OMA1: variants seen among roughly 807,000 people sequenced by gnomAD.
OMA1 encodes OMA1 zinc metallopeptidase, also known as metalloendopeptidase OMA1, mitochondrial.
Under a neutral mutation model 30.9 loss-of-function variants are expected in OMA1, and 38 were observed. The ratio of observed to expected loss-of-function variants is 1.23; its 90% CI spans 0.95 to 1.61. OMA1 has a LOEUF of 1.61. OMA1 is among the 40% of genes most tolerant of loss of function. The pLI is 0.00. For missense variants in OMA1, 461 were observed against 349.2 expected, an observed-to-expected ratio of 1.32 and a Z score of -2.55; for synonymous variants, 173 against 121.9, an observed-to-expected ratio of 1.42 and a Z score of -2.76.
At chr1:58,507,298 C>G (rs888070985) in intron 7 of OMA1, among the ~76,000 whole-genome samples, 2 of 151,732 alleles carry the variant, frequency 1.3e-5, no homozygotes, top group East Asian at 1.9e-4. Flanking sequence ...ATATACTATA[C>G]TGACTAAAAT....
chr1:58,494,541 G>C (rs1387913796), intron 8 of OMA1, among the ~76,000 whole-genome samples: 1 of 152,096 alleles, frequency 6.6e-6, no homozygotes, highest in Admixed American at 6.6e-5. Context: ...CTAATATCCA[G>C]AATCTACAAT....
chr1:58,486,088 T>C (rs546846528), intron 8 of OMA1, among the ~76,000 whole-genome samples: 1 of 152,334 alleles, frequency 6.6e-6, no homozygotes, highest in South Asian at 2.1e-4. Context: ...TGAGGTATTT[T>C]ACACATCTAA....
chr1:58,501,163 T>A (rs1405961490), intron 8 of OMA1, among the ~76,000 whole-genome samples: 1 of 152,224 alleles, frequency 6.6e-6, no homozygotes, highest in African/African-American at 2.4e-5. Flanking sequence ...CCTGTATTTA[T>A]CCTTTTTAAA....
intron 7 of OMA1, among the ~76,000 whole-genome samples, chr1:58,523,309 C>T (rs1158153544): frequency 6.6e-6 from 1 of 152,208 alleles, no homozygotes; most frequent in Non-Finnish European, 1.5e-5. Flanking sequence ...TTTGCTTCAT[C>T]AACAATTTAT....
At chr1:58,493,201 T>C (rs1389329057) in intron 8 of OMA1, among the ~76,000 whole-genome samples, 2 of 151,878 alleles carry the variant, frequency 1.3e-5, no homozygotes, top group African/African-American at 4.8e-5. Context: ...AAAAGGCCTT[T>C]GACAAAATTC....
intron 7 of OMA1, among the ~76,000 whole-genome samples, chr1:58,519,059 T>A (rs1157354888): frequency 1.3e-5 from 2 of 152,172 alleles, no homozygotes; most frequent in Non-Finnish European, 2.9e-5. Flanking sequence ...TCTTTGGCAA[T>A]TGATTGATTA....
intron 8 of OMA1, among the ~76,000 whole-genome samples, chr1:58,496,150 A>G (rs1645797532): frequency 6.6e-6 from 1 of 151,406 alleles, no homozygotes; most frequent in Non-Finnish European, 1.5e-5. Flanking sequence ...CCTTTTCAAT[A>G]TTCTTTCATT....
chr1:58,481,340 T>C (rs906514362), intron 8 of OMA1, among the ~76,000 whole-genome samples, 166 bp from the exon 9 acceptor site: 2 of 152,174 alleles, frequency 1.3e-5, no homozygotes, highest in African/African-American at 4.8e-5. Context: ...CTGAAAAATC[T>C]ACAGTGAACA....
intron 7 of OMA1, among the ~76,000 whole-genome samples, chr1:58,524,254 T>C (rs1317371504): frequency 6.6e-6 from 1 of 152,236 alleles, no homozygotes; most frequent in Non-Finnish European, 1.5e-5. Flanking sequence ...CCGGCAGCTA[T>C]TCTTTCTCCT....
intron 8 of OMA1, among the ~76,000 whole-genome samples, chr1:58,488,434 G>A (rs1379973717): frequency 6.6e-6 from 1 of 152,164 alleles, no homozygotes; most frequent in Non-Finnish European, 1.5e-5. Context: ...CACTCAAGCA[G>A]TGTACACTGT....
intron 8 of OMA1, among the ~76,000 whole-genome samples, chr1:58,489,049 A>G (rs1645627472): frequency 6.6e-6 from 1 of 152,156 alleles, no homozygotes; most frequent in Non-Finnish European, 1.5e-5. Flanking sequence ...TCCATTTCCA[A>G]CTGAGGTACT....
chr1:58,529,258 C>T (rs955193919), intron 6 of OMA1, among the ~76,000 whole-genome samples: 1 of 152,096 alleles, frequency 6.6e-6, no homozygotes, highest in African/African-American at 2.4e-5. Flanking sequence ...TTAAACAGCA[C>T]CCAGATGGCA....
intron 8 of OMA1, among the ~76,000 whole-genome samples, chr1:58,486,656 T>C (rs1645580465): frequency 6.6e-6 from 1 of 152,164 alleles, no homozygotes; most frequent in African/African-American, 2.4e-5. Flanking sequence ...GTAATTTTAG[T>C]TAAGTACATG....
intron 1 of OMA1, among the ~76,000 whole-genome samples, chr1:58,540,715 TA>T (rs146864305): frequency 6.8e-6 from 1 of 147,876 alleles, no homozygotes; most frequent in African/African-American, 2.5e-5. Context: ...AATACAATAA[TA>T]AAAAAAGGCA....
At chr1:58,483,157 G>A (rs1451131399) in intron 8 of OMA1, among the ~76,000 whole-genome samples, 1 of 152,118 alleles carries the variant, frequency 6.6e-6, no homozygotes, top group South Asian at 2.1e-4. Flanking sequence ...CCACTAGCCT[G>A]CCATCTGCCC....
chr1:58,530,848 C>G lies in OMA1; in HGVS notation c.1012-119G>C, dbSNP rs1646424240. On this transcript the variant is annotated intron_variant, in intron 5 of 8. Transcript: ENST00000371226. ...CCTTCTCCACCTAAGACTGAGAGTTCTCTTTTTCTTCTTTTGCTTATTCTT... is the reference window on the plus strand; with the variant it reads ...CCTTCTCCACCTAAGACTGAGAGTTGTCTTTTTCTTCTTTTGCTTATTCTT... 3.5e-5 allele frequency: 22 copies of G among 621,576 alleles called. 1 individual carries two copies. In the South Asian group the frequency reaches 4.3e-4, roughly 12 times the overall value. 38.5% of individuals were successfully genotyped at this position (621,576 alleles called of 1,614,324 possible). A position where few individuals can be genotyped will look rare whatever the true frequency, so the allele number is the denominator to read the frequency against.
chr1:58,494,918 G>T lies in OMA1; in HGVS notation c.1365+11142C>A, dbSNP rs1410698792. ...ATTTGACCCAGCCATCGCATTACTG[G>T]GTATATACCTAAAGGATTATAAATC... On this transcript the variant is annotated intron_variant, in intron 8 of 8. Transcript: ENST00000371226. Among the ~76,000 whole-genome samples, 3 of 152,048 alleles carry T rather than the reference G, an allele frequency of 2.0e-5. No homozygotes were observed. In the East Asian group the frequency reaches 5.8e-4, roughly 29 times the overall value.
At chr1:58,520,266 T>C (rs1454355416) in intron 7 of OMA1, among the ~76,000 whole-genome samples, 1 of 151,570 alleles carries the variant, frequency 6.6e-6, no homozygotes. Context: ...AAATAAAAAA[T>C]AAAAGAGCAA....
At chr1:58,506,256 AT>A (rs778260519) in intron 7 of OMA1, 47 bp from the exon 8 acceptor site, 2 of 812,196 alleles carry the variant, frequency 2.5e-6, no homozygotes, top group Non-Finnish European at 4.2e-6. Flanking sequence ...AGTTTTGAGG[AT>A]TTTTTAAAAA....
Sources: allele counts gnomAD v4.1 joint callset (sites outside exome capture counted in the v4.1 genomes callset), GRCh38; gene constraint gnomAD v4.1.1; transcripts MANE v1.5; gene names NCBI Gene and HGNC (gene_info 2026-07-23, HGNC 2026-07-21).